FNDC3A: variants seen among roughly 807,000 people sequenced by gnomAD.
FNDC3A encodes fibronectin type-III domain-containing protein 3A.
Under a neutral mutation model 148.9 loss-of-function variants are expected in FNDC3A, and 32 were observed. The ratio of observed to expected loss-of-function variants is 0.21; its 90% confidence interval spans 0.16 to 0.29. The LOEUF is 0.29. FNDC3A is among the 10% of genes least tolerant of loss of function. The pLI, the probability that FNDC3A is intolerant of heterozygous loss-of-function variation, is 1.00. For synonymous variants in FNDC3A, 472 were observed against 473.6 expected (o/e 1.00, Z 0.04); for missense variants, 1,191 against 1,452.8 (o/e 0.82, Z 2.93).
intron 1 of FNDC3A, among the ~76,000 whole-genome samples, chr13:48,985,658 A>AC (rs369299943): frequency 2.1e-3 from 320 of 151,928 alleles, no homozygotes; most frequent in African/African-American, 7.5e-3. Context: ...ATACACACAC[A>AC]AAAAAAATAC....
chr13:48,989,616 A>G (rs1175015740), intron 1 of FNDC3A, among the ~76,000 whole-genome samples: 3 of 152,262 alleles, frequency 2.0e-5, no homozygotes, highest in East Asian at 1.9e-4. Context: ...TTTGGAGACA[A>G]TAACTGAAAA....
chr13:49,166,746 C>T (rs968427242), intron 8 of FNDC3A, among the ~76,000 whole-genome samples: 17 of 152,146 alleles, frequency 1.1e-4, no homozygotes, highest in African/African-American at 4.1e-4. Context: ...CTTCTCCTTC[C>T]TTGTTTTACA....
At chr13:49,071,751 A>G (rs897571083) in intron 2 of FNDC3A, among the ~76,000 whole-genome samples, 6 of 148,444 alleles carry the variant, frequency 4.0e-5, no homozygotes, top group African/African-American at 1.5e-4. Flanking sequence ...CTATTGAGTC[A>G]TTTGAGAGCC....
chr13:49,117,107 A>C (rs902084901), intron 4 of FNDC3A, among the ~76,000 whole-genome samples: 2 of 152,234 alleles, frequency 1.3e-5, no homozygotes, highest in Non-Finnish European at 2.9e-5. Flanking sequence ...AATGCCAAGT[A>C]TATAGCCTGT....
At chr13:49,021,989 T>G (rs889208728) in intron 2 of FNDC3A, among the ~76,000 whole-genome samples, 1 of 152,218 alleles carries the variant, frequency 6.6e-6, no homozygotes, top group Non-Finnish European at 1.5e-5. Flanking sequence ...ATATATAGAA[T>G]AAAACTATGT....
At chr13:49,075,822 C>T (rs12868969) in intron 3 of FNDC3A, among the ~76,000 whole-genome samples, 1 of 143,784 alleles carries the variant, frequency 7.0e-6, no homozygotes, top group East Asian at 2.2e-4. Context: ...CCCACCCCCA[C>T]CCCCCCTTTC....
chr13:49,198,672 C>G, intron 23 of FNDC3A, 98 bp downstream of exon 23: 1 of 960,916 alleles, frequency 1.0e-6, no homozygotes, highest in East Asian at 2.6e-5. Flanking sequence ...TGGCTGACAC[C>G]TGTAATCTCA....
chr13:49,207,370 T>C lies in FNDC3A; in HGVS notation c.3572T>C (p.Ile1191Thr), dbSNP rs767734398. 10 of 1,608,274 alleles carry C rather than the reference T, an allele frequency of 6.2e-6. No homozygotes were observed. The highest frequency in any genetic ancestry group is 3.3e-5 in the Admixed American group (2 of 59,960). ...TTCTTTTCCATTTTGATTGCCTTTA[T>C]CATTCAGTACTTTGTAATCAAGTGA... ...FAFFSILIAF[I>T]IQYFVIK The change falls in exon 26 of 26, where the codon ATC (isoleucine) becomes ACC (threonine). Residue 1191 changes from isoleucine (I) to threonine (T), a missense_variant. By Grantham distance (89) the Ile-to-Thr change is moderately conservative (BLOSUM62 -1). Around this residue, in one of 3 missense-constraint regions of FNDC3A, gnomAD observed 751 missense variants for 944.0 expected, o/e 0.80. Coordinates refer to ENST00000492622, the MANE Select transcript of FNDC3A (RefSeq NM_001079673.2).
intron 5 of FNDC3A, among the ~76,000 whole-genome samples, chr13:49,131,778 C>T (rs1882051984): frequency 6.6e-6 from 1 of 152,164 alleles, no homozygotes. Context: ...TAAGCCATAA[C>T]CTCTGCCCTC....
chr13:49,176,227 G>A (rs982457676), intron 13 of FNDC3A, among the ~76,000 whole-genome samples: 10 of 152,070 alleles, frequency 6.6e-5, no homozygotes, highest in South Asian at 2.1e-4. Context: ...GGAGGAGTCC[G>A]TCTTTTTCTA....
At chr13:49,019,644 A>G (rs184222894) in intron 2 of FNDC3A, among the ~76,000 whole-genome samples, 87 of 152,278 alleles carry the variant, frequency 5.7e-4, no homozygotes, top group Middle Eastern at 3.4e-3. Flanking sequence ...TAATTTTTCA[A>G]TGTTTAACTG....
chr13:49,110,876 C>G (rs898997554), intron 3 of FNDC3A, among the ~76,000 whole-genome samples: 8 of 152,152 alleles, frequency 5.3e-5, no homozygotes, highest in African/African-American at 1.9e-4. Context: ...AGTGATGGCA[C>G]TTTTTAAGAA....
At chr13:49,186,992 T>TACTG in intron 15 of FNDC3A, 130 bp from the exon 16 acceptor site, 1 of 547,638 alleles carries the variant, frequency 1.8e-6, no homozygotes, top group South Asian at 3.1e-5. Flanking sequence ...AGTAATTGGG[T>TACTG]ACTGGTATTA....
At chr13:49,098,075 T>C (rs1879644887) in intron 3 of FNDC3A, among the ~76,000 whole-genome samples, 1 of 152,116 alleles carries the variant, frequency 6.6e-6, no homozygotes, top group Admixed American at 6.6e-5. Context: ...CCTTAAGACA[T>C]GTTTCTAAGG....
chr13:49,008,287 A>G (rs548987022), intron 2 of FNDC3A, among the ~76,000 whole-genome samples: 55 of 152,304 alleles, frequency 3.6e-4, no homozygotes, highest in South Asian at 6.2e-4. Context: ...GGGACTATAT[A>G]CAAAGCAGAT....
chr13:49,129,653 A>G (rs1881911201), intron 4 of FNDC3A, among the ~76,000 whole-genome samples: 1 of 152,176 alleles, frequency 6.6e-6, no homozygotes, highest in Non-Finnish European at 1.5e-5. Context: ...TTAAATTCAG[A>G]ACTGAGTTAA....
At position 49,110,300 on chromosome 13, in the gene FNDC3A, C is replaced by CAA. The variant is rs372720819; in HGVS notation, c.176-4343_176-4342dup. On this transcript the variant is annotated intron_variant, in intron 3 of 25. Transcript: ENST00000492622. ...AGGATCTTTTCCTCTTACAGCCTTG[C>CAA]AAAAAAAAAAAAAGCCGTTCTCCAA... 1.9e-3 allele frequency: 2,324 copies of CAA among 1,253,036 alleles called. 20 individuals are homozygous for CAA. The African/African-American group carries it at 0.03, about 16-fold the overall frequency. The allele number at this position is 1,253,036 out of a possible 1,614,324, so 77.6% of individuals were successfully genotyped here. A position where few individuals can be genotyped will look rare whatever the true frequency, so the allele number is the denominator to read the frequency against.
intron 1 of FNDC3A, among the ~76,000 whole-genome samples, chr13:48,981,623 A>G (rs1182356712): frequency 6.6e-6 from 1 of 152,134 alleles, no homozygotes; most frequent in Admixed American, 6.6e-5. Context: ...CAAACCTGCC[A>G]GATATGTGGT....
intron 3 of FNDC3A, among the ~76,000 whole-genome samples, chr13:49,108,066 G>A (rs1457962050): frequency 3.9e-5 from 6 of 152,132 alleles, no homozygotes; most frequent in Non-Finnish European, 8.8e-5. Flanking sequence ...AGAAAGATAT[G>A]ATGGCCACAT....
Sources: gnomAD v4.1 joint callset for allele counts (sites outside exome capture counted in the v4.1 genomes callset) on GRCh38, gnomAD v4.1.1 for gene constraint, gnomAD v4.1.1 regional missense constraint, MANE v1.5 for transcripts, NCBI Gene and HGNC (gene_info 2026-07-23, HGNC 2026-07-21) for gene names.